CACNA1E: variants seen among roughly 807,000 people sequenced by gnomAD.
CACNA1E encodes voltage-dependent R-type calcium channel subunit alpha-1E.
In CACNA1E, 40 loss-of-function variants were observed where a neutral mutation model predicts 259.2. The ratio of observed to expected loss-of-function variants is 0.15; its 90% CI spans 0.12 to 0.20. The LOEUF (loss-of-function observed/expected upper bound fraction) is 0.20. Ranked by LOEUF, CACNA1E falls within the 10% of genes least tolerant of loss-of-function variation. The pLI, the probability that CACNA1E is intolerant of heterozygous loss-of-function variation, is 1.00. For synonymous variants in CACNA1E, 1,104 were observed against 1,138.5 expected, an observed-to-expected ratio of 0.97 and a Z score of 0.61; for missense variants, 1,874 against 3,040.1, an observed-to-expected ratio of 0.62 and a Z score of 9.02.
chr1:181,521,449 C>T (rs1162777448), intron 3 of CACNA1E, among the ~76,000 whole-genome samples: 1 of 152,200 alleles, frequency 6.6e-6, no homozygotes, highest in African/African-American at 2.4e-5. Context: ...GAAGCCCACT[C>T]AGGGCTAAGC....
intron 7 of CACNA1E, among the ~76,000 whole-genome samples, chr1:181,676,406 C>T (rs1432113745): frequency 6.6e-6 from 1 of 152,126 alleles, no homozygotes; most frequent in African/African-American, 2.4e-5. Flanking sequence ...TGTTTAACAG[C>T]ATCTGAGCCA....
chr1:181,569,468 A>G (rs1305855618), intron 3 of CACNA1E, among the ~76,000 whole-genome samples: 1 of 152,240 alleles, frequency 6.6e-6, no homozygotes, highest in African/African-American at 2.4e-5. Flanking sequence ...CTATGTGAAC[A>G]GTTTAATACA....
At chr1:181,574,244 C>G (rs966895436) in intron 3 of CACNA1E, among the ~76,000 whole-genome samples, 2 of 152,126 alleles carry the variant, frequency 1.3e-5, no homozygotes, top group African/African-American at 4.8e-5. Flanking sequence ...ACACATTTAC[C>G]TATGTAACAA....
At chr1:181,619,666 C>G (rs1260792545) in intron 6 of CACNA1E, among the ~76,000 whole-genome samples, 1 of 151,966 alleles carries the variant, frequency 6.6e-6, no homozygotes, top group African/African-American at 2.4e-5. Context: ...GTGGCTTAGC[C>G]CAGAGGGTAG....
At chr1:181,364,440 C>T (rs996053246) in intron 1 of CACNA1E, among the ~76,000 whole-genome samples, 21 of 152,066 alleles carry the variant, frequency 1.4e-4, no homozygotes, top group Non-Finnish European at 2.6e-4. Flanking sequence ...ATGGCAGGCA[C>T]GCAGTAAACA....
chr1:181,624,815 G>A (rs1449486799), intron 6 of CACNA1E, among the ~76,000 whole-genome samples: 1 of 152,112 alleles, frequency 6.6e-6, no homozygotes, highest in African/African-American at 2.4e-5. Flanking sequence ...ATCCTATTCA[G>A]AAAGTTTTCT....
intron 1 of CACNA1E, among the ~76,000 whole-genome samples, chr1:181,505,989 TG>T (rs1314476931): frequency 2.0e-5 from 3 of 152,272 alleles, no homozygotes; most frequent in Non-Finnish European, 4.4e-5. Flanking sequence ...CATCTCCATT[TG>T]TTCAAGATTT....
At chr1:181,572,956 T>C (rs988631634) in intron 3 of CACNA1E, among the ~76,000 whole-genome samples, 1 of 152,116 alleles carries the variant, frequency 6.6e-6, no homozygotes, top group Non-Finnish European at 1.5e-5. Flanking sequence ...AAAATCTTGA[T>C]ATTTTTTAGC....
intron 1 of CACNA1E, among the ~76,000 whole-genome samples, chr1:181,348,912 G>A (rs539361640): frequency 3.0e-4 from 46 of 152,276 alleles, no homozygotes; most frequent in Non-Finnish European, 1.9e-4. Flanking sequence ...ATGTGGCCAG[G>A]TCCTACAGCC....
chr1:181,776,395 C>G lies in CACNA1E; in HGVS notation c.5267+167C>G. 1 of 643,708 alleles carries G rather than the reference C, an allele frequency of 1.6e-6. No homozygotes were observed. Among genetic ancestry groups the G allele is most frequent in the Non-Finnish European group, 2.7e-6 (1 of 369,300 alleles). 39.9% of individuals were successfully genotyped at this position (643,708 alleles called of 1,614,324 possible). On this transcript the variant is annotated intron_variant, in intron 38 of 47. Transcript: ENST00000367573. This position sits in a 1 kb window ranked among gnomAD's most constrained non-coding sequence, Gnocchi z 4.4. ...AGAGGCTCTGGTATCAAGCCAGTCA[C>G]CAAGGACTTCTGTATCCTCCTTTCC...
At chr1:181,603,044 C>T (rs1653890880) in intron 6 of CACNA1E, among the ~76,000 whole-genome samples, 1 of 152,114 alleles carries the variant, frequency 6.6e-6, no homozygotes, top group South Asian at 2.1e-4. Context: ...GCCTTAAACA[C>T]CTCTGGGTAG....
At position 181,758,151 on chromosome 1, in the gene CACNA1E, G is replaced by A. The variant is rs368587699; in HGVS notation, c.4494+40G>A. On this transcript the variant is annotated intron_variant, in intron 31 of 47. Coordinates refer to ENST00000367573, the MANE Select transcript of CACNA1E (RefSeq NM_001205293.3). This position sits in a 1 kb window ranked among gnomAD's most constrained non-coding sequence, Gnocchi z 4.2. ...GCACAAGAGCCGACTGAGCCCCAGC[G>A]ATGGTTCCCTCCCAGGGCAAGTGGG... The A allele has an allele frequency of 1.9e-4, 297 of 1,589,966 alleles. No individual in the cohort carries two copies. The Middle Eastern group carries it at 3.4e-3, about 18-fold the overall frequency.
chr1:181,729,504 A>G (rs1655265706), intron 18 of CACNA1E, among the ~76,000 whole-genome samples: 1 of 152,228 alleles, frequency 6.6e-6, no homozygotes, highest in Non-Finnish European at 1.5e-5. Flanking sequence ...CCTGAGTGCT[A>G]GTTATATTTG....
intron 6 of CACNA1E, among the ~76,000 whole-genome samples, chr1:181,641,214 A>T (rs1463802072): frequency 6.6e-6 from 1 of 152,238 alleles, no homozygotes; most frequent in Non-Finnish European, 1.5e-5. Context: ...AAGTAGAATG[A>T]CATGTTTAGG....
rs74127834 is a variant in CACNA1E, at chr1:181,733,358, G to A, written c.2949-79G>A. 4.9e-3 allele frequency: 6,266 copies of A among 1,283,700 alleles called. 213 individuals carry two copies. The African/African-American group carries it at 0.081, about 17-fold the overall frequency. The allele number at this position is 1,283,700 out of a possible 1,614,324, so 79.5% of individuals were successfully genotyped here. ...CCTTCCAGGCTGCCTGAGCTTCCCC[G>A]CCTTCCCCTTGTGCCAGGCACACCT... On this transcript the variant is annotated intron_variant, in intron 20 of 47. Coordinates refer to ENST00000367573, the MANE Select transcript of CACNA1E (RefSeq NM_001205293.3).
intron 6 of CACNA1E, among the ~76,000 whole-genome samples, chr1:181,625,150 G>A (rs1182023356): frequency 1.4e-5 from 2 of 143,950 alleles, no homozygotes; most frequent in African/African-American, 2.6e-5. Context: ...AGGCTTTGTT[G>A]TTTCATTTAT....
intron 7 of CACNA1E, among the ~76,000 whole-genome samples, chr1:181,704,408 T>A (rs1356489416): frequency 6.6e-6 from 1 of 152,228 alleles, no homozygotes; most frequent in Non-Finnish European, 1.5e-5. Flanking sequence ...AATTTCTCTG[T>A]TAGTTTCAGA....
intron 1 of CACNA1E, among the ~76,000 whole-genome samples, chr1:181,398,832 C>G (rs115579835): frequency 1.3e-5 from 2 of 152,182 alleles, no homozygotes; most frequent in African/African-American, 4.8e-5. Flanking sequence ...AAGCGAAAAC[C>G]AACACCCCTT....
At chr1:181,434,389 G>A (rs1487149503) in intron 2 of CACNA1E, among the ~76,000 whole-genome samples, 2 of 110,370 alleles carry the variant, frequency 1.8e-5, no homozygotes, top group East Asian at 4.1e-4. Context: ...ACTTACTACT[G>A]GCCAATTTTT....
Sources: gnomAD v4.1 joint callset for allele counts (sites outside exome capture counted in the v4.1 genomes callset) on GRCh38, gnomAD v4.1.1 for gene constraint, Gnocchi (gnomAD v3.1) non-coding constraint, MANE v1.5 for transcripts, NCBI Gene and HGNC (gene_info 2026-07-23, HGNC 2026-07-21) for gene names.